NRG1: variants seen among roughly 807,000 people sequenced by gnomAD.
NRG1 encodes the protein neuregulin 1.
Under a neutral mutation model 63.8 loss-of-function variants are expected in NRG1, and 18 were observed. That is an observed-to-expected ratio of 0.28 (90% CI 0.19 to 0.42). NRG1 has a LOEUF of 0.42. Among genes scored for constraint, NRG1 ranks in the 10% least tolerant of loss-of-function variants. NRG1 has a pLI of 1.00. For synonymous variants in NRG1, 302 were observed against 301.3 expected (o/e 1.00, Z -0.02); for missense variants, 762 against 814.7 (o/e 0.94, Z 0.79).
intron 1 of NRG1, among the ~76,000 whole-genome samples, chr8:32,342,924 G>A (rs1358652447): frequency 6.6e-6 from 1 of 152,114 alleles, no homozygotes; most frequent in Non-Finnish European, 1.5e-5. Context: ...CACAGATGTG[G>A]GTGATTAATG....
At chr8:32,624,794 T>C (rs1018809928) in intron 5 of NRG1, among the ~76,000 whole-genome samples, 2 of 152,188 alleles carry the variant, frequency 1.3e-5, no homozygotes, top group Non-Finnish European at 2.9e-5. Context: ...TTTTGAAATC[T>C]GTAAAATATT....
intron 1 of NRG1, among the ~76,000 whole-genome samples, chr8:31,951,669 G>A (rs1257944683): frequency 6.6e-6 from 1 of 152,140 alleles, no homozygotes; most frequent in African/African-American, 2.4e-5. Context: ...AATTGATGAG[G>A]GAAAGAAATT....
chr8:32,712,498 A>G (rs1177654814), intron 5 of NRG1, among the ~76,000 whole-genome samples: 1 of 152,216 alleles, frequency 6.6e-6, no homozygotes, highest in Non-Finnish European at 1.5e-5. Context: ...ATAATTTTTA[A>G]GGAACTTGTC....
At chr8:32,047,505 T>A (rs1821197503) in intron 1 of NRG1, among the ~76,000 whole-genome samples, 1 of 152,092 alleles carries the variant, frequency 6.6e-6, no homozygotes, top group African/African-American at 2.4e-5. Flanking sequence ...GCATCAATTA[T>A]ACCATGATGG....
intron 1 of NRG1, among the ~76,000 whole-genome samples, chr8:32,566,690 C>A (rs564805296): frequency 2.0e-5 from 3 of 152,058 alleles, no homozygotes; most frequent in Admixed American, 1.3e-4. Context: ...TAATTGTTTC[C>A]AGCCAGGAGG....
chr8:32,340,358 T>A (rs7016614), intron 1 of NRG1, among the ~76,000 whole-genome samples: 1 of 151,940 alleles, frequency 6.6e-6, no homozygotes, highest in Non-Finnish European at 1.5e-5. Context: ...TTAGCACCAC[T>A]CAGTGGCTGC....
Position 32,498,681 on chromosome 8 carries a change from C to A in NRG1, c.38-97147C>A, listed in dbSNP as rs61588838. Among the ~76,000 whole-genome samples the A allele has an allele frequency of 0.045, 6,912 of 152,224 alleles. 1,130 individuals are homozygous for A. In the East Asian group the frequency reaches 0.63, roughly 14 times the overall value. ...GATGAGATTTGGGTGGGGACACAGC[C>A]AAACCATATCAGAAGGTAAGGCCTA... On this transcript the variant is annotated intron_variant, in intron 1 of 10. Coordinates refer to the NRG1 transcript ENST00000519301.
chr8:32,515,913 T>C (rs1036421290), intron 1 of NRG1, among the ~76,000 whole-genome samples: 3 of 152,222 alleles, frequency 2.0e-5, no homozygotes, highest in African/African-American at 7.2e-5. Context: ...AGCTCTTCAG[T>C]GTAATTAGGT....
At position 32,041,316 on chromosome 8, in the gene NRG1, G is replaced by C. The variant is rs374650820; in HGVS notation, c.37+401885G>C. On this transcript the variant is annotated intron_variant, in intron 1 of 10. Transcript: ENST00000519301. ...TATTTACCCTGTTCAAAAAGCCTTAGTGAGGTTCCAGCTTTGAATAAGATA... is the reference window on the plus strand; with the variant it reads ...TATTTACCCTGTTCAAAAAGCCTTACTGAGGTTCCAGCTTTGAATAAGATA... Among the ~76,000 whole-genome samples the C allele has an allele frequency of 7.5e-4, 114 of 152,266 alleles. 3 individuals are homozygous for C. In the South Asian group the frequency reaches 0.023, roughly 31 times the overall value.
At chr8:32,088,283 T>C (rs1828584442) in intron 1 of NRG1, among the ~76,000 whole-genome samples, 1 of 152,164 alleles carries the variant, frequency 6.6e-6, no homozygotes, top group African/African-American at 2.4e-5. Flanking sequence ...TTTAATAATT[T>C]AACGAAAATT....
At chr8:32,212,536 T>C (rs937003784) in intron 1 of NRG1, among the ~76,000 whole-genome samples, 15 of 152,194 alleles carry the variant, frequency 9.9e-5, no homozygotes, top group Admixed American at 8.5e-4. Context: ...AAGTACCATA[T>C]TGGACAGGAG....
At position 32,285,723 on chromosome 8, in the gene NRG1, G is replaced by T. The variant is rs1586625141; in HGVS notation, c.38-310105G>T. On this transcript the variant is annotated intron_variant, in intron 1 of 10. Transcript: ENST00000519301. ...TGAGGTTCCGTATGCCTCACTCTAG[G>T]TGATGTTTTTATTAGTACCATGTTG... Among the ~76,000 whole-genome samples, 3 of 152,258 alleles carry T rather than the reference G, an allele frequency of 2.0e-5. No individual in the cohort carries two copies. The East Asian group carries it at 5.8e-4, about 29-fold the overall frequency.
intron 1 of NRG1, among the ~76,000 whole-genome samples, chr8:31,667,560 G>C (rs182916335): frequency 2.0e-5 from 3 of 152,284 alleles, no homozygotes; most frequent in Admixed American, 1.3e-4. Context: ...GGAGGTAATG[G>C]CCTGTTCAGG....
chr8:32,084,312 G>A (rs114358840), intron 1 of NRG1, among the ~76,000 whole-genome samples: 1,714 of 152,204 alleles, frequency 0.011, 28 homozygotes, highest in African/African-American at 0.037. Context: ...ATCTCAAAAT[G>A]AGGTCTCAGA....
intron 1 of NRG1, among the ~76,000 whole-genome samples, chr8:32,297,211 T>C (rs538402966): frequency 6.6e-6 from 1 of 152,250 alleles, no homozygotes; most frequent in Non-Finnish European, 1.5e-5. Context: ...AATTTCTAGA[T>C]TTCTCTGTAA....
chr8:32,263,531 G>T (rs952088270), intron 1 of NRG1, among the ~76,000 whole-genome samples: 7 of 152,086 alleles, frequency 4.6e-5, no homozygotes, highest in African/African-American at 1.7e-4. Context: ...CTTCTGTCTT[G>T]CTACGTTTGC....
At chr8:31,817,676 G>A (rs975478357) in intron 1 of NRG1, among the ~76,000 whole-genome samples, 11 of 152,250 alleles carry the variant, frequency 7.2e-5, no homozygotes, top group African/African-American at 2.4e-4. Context: ...CAGCATTGAG[G>A]CATGTGATTA....
intron 1 of NRG1, among the ~76,000 whole-genome samples, chr8:32,005,812 T>C (rs1376297903): frequency 2.0e-5 from 3 of 152,032 alleles, no homozygotes. Flanking sequence ...TAATCCATAA[T>C]CTGATATCAG....
chr8:32,348,059 A>G (rs1805140558), intron 1 of NRG1, among the ~76,000 whole-genome samples: 1 of 152,152 alleles, frequency 6.6e-6, no homozygotes, highest in Non-Finnish European at 1.5e-5. Flanking sequence ...AAGATGCCAC[A>G]TGGTCAATGG....
Sources: allele counts gnomAD v4.1 joint callset (sites outside exome capture counted in the v4.1 genomes callset), GRCh38; gene constraint gnomAD v4.1.1; transcripts MANE v1.5; gene names NCBI Gene and HGNC (gene_info 2026-07-23, HGNC 2026-07-21).